Variants in SNTG1 observed in about 807,000 individuals in gnomAD.
SNTG1 encodes syntrophin gamma 1.
In SNTG1, 39 loss-of-function variants were observed where a neutral mutation model predicts 74.7. The observed-to-expected ratio is 0.52, with a 90% confidence interval of 0.40 to 0.68. The LOEUF (loss-of-function observed/expected upper bound fraction) is 0.68. Ranked by LOEUF, SNTG1 falls within the 30% of genes least tolerant of loss-of-function variation. The pLI is 0.00. For synonymous variants in SNTG1, 254 were observed against 217.1 expected, an observed-to-expected ratio of 1.17 and a Z score of -1.49; for missense variants, 685 against 609.5, an observed-to-expected ratio of 1.12 and a Z score of -1.30.
At chr8:50,497,362 C>T (rs2093913784) in intron 8 of SNTG1, among the ~76,000 whole-genome samples, 1 of 151,810 alleles carries the variant, frequency 6.6e-6, no homozygotes, top group African/African-American at 2.4e-5. Context: ...ACCATTATTT[C>T]TTTTTGTTTA....
At chr8:50,361,323 A>G (rs1160427423) in intron 2 of SNTG1, among the ~76,000 whole-genome samples, 1 of 152,150 alleles carries the variant, frequency 6.6e-6, no homozygotes, top group Non-Finnish European at 1.5e-5. Context: ...CTTCTTCTGA[A>G]TACCTCTGGA....
intron 15 of SNTG1, among the ~76,000 whole-genome samples, chr8:50,699,768 G>T (rs548490827): frequency 6.6e-6 from 1 of 152,306 alleles, no homozygotes; most frequent in African/African-American, 2.4e-5. Flanking sequence ...AGAAATGCAT[G>T]CAGAGAGCAA....
chr8:50,161,757 A>C (rs2082424108), intron 1 of SNTG1, among the ~76,000 whole-genome samples: 1 of 152,122 alleles, frequency 6.6e-6, no homozygotes, highest in South Asian at 2.1e-4. Context: ...AAGAAACAGA[A>C]AAGAAAAAGA....
At chr8:50,263,156 C>T (rs537550972) in intron 2 of SNTG1, among the ~76,000 whole-genome samples, 1 of 152,130 alleles carries the variant, frequency 6.6e-6, no homozygotes, top group Admixed American at 6.5e-5. Context: ...AGAAATGTAC[C>T]ACCGTGGTGG....
chr8:50,515,449 C>G (rs1358409089), intron 9 of SNTG1, among the ~76,000 whole-genome samples: 3 of 118,524 alleles, frequency 2.5e-5, no homozygotes, highest in Non-Finnish European at 4.9e-5. Context: ...GCCAATGAGA[C>G]AGAACCATTC....
chr8:50,248,158 A>G (rs777932222), intron 2 of SNTG1, among the ~76,000 whole-genome samples: 1 of 152,178 alleles, frequency 6.6e-6, no homozygotes, highest in Non-Finnish European at 1.5e-5. Context: ...CAAACACCTT[A>G]TCTCCATATA....
At chr8:50,491,891 C>G (rs1043637511) in intron 8 of SNTG1, among the ~76,000 whole-genome samples, 1 of 151,368 alleles carries the variant, frequency 6.6e-6, no homozygotes, top group African/African-American at 2.4e-5. Flanking sequence ...CCCCCGCCCC[C>G]CTACCACCCG....
At chr8:50,172,171 C>T (rs4873128) in intron 1 of SNTG1, among the ~76,000 whole-genome samples, 44,937 of 152,002 alleles carry the variant, frequency 0.3, 6,755 homozygotes, top group South Asian at 0.43. Flanking sequence ...ATCAATAGAC[C>T]ATTCCTCACA....
intron 3 of SNTG1, among the ~76,000 whole-genome samples, chr8:50,394,830 T>C (rs1321199350): frequency 6.9e-6 from 1 of 144,408 alleles, no homozygotes; most frequent in Non-Finnish European, 1.5e-5. Context: ...CATTCCATCT[T>C]AGGAAGAAAA....
chr8:50,701,609 CT>C (rs1204169043), intron 15 of SNTG1, among the ~76,000 whole-genome samples: 1 of 141,138 alleles, frequency 7.1e-6, no homozygotes, highest in Non-Finnish European at 1.5e-5. Flanking sequence ...TCTTCTTCTT[CT>C]TCTTCTTCGT....
At chr8:50,686,913 A>C (rs1341350010) in intron 15 of SNTG1, among the ~76,000 whole-genome samples, 1 of 151,742 alleles carries the variant, frequency 6.6e-6, no homozygotes, top group African/African-American at 2.4e-5. Flanking sequence ...AGGCGGGTGG[A>C]TCATGAGGTC....
intron 13 of SNTG1, among the ~76,000 whole-genome samples, chr8:50,650,743 C>A (rs150394229): frequency 0.026 from 3,900 of 151,982 alleles, 79 homozygotes; most frequent in Middle Eastern, 0.041. Flanking sequence ...ACTCTGTTGC[C>A]CAGCTGGATT....
intron 2 of SNTG1, among the ~76,000 whole-genome samples, chr8:50,223,748 G>A (rs1391903982): frequency 6.6e-6 from 1 of 152,092 alleles, no homozygotes; most frequent in Non-Finnish European, 1.5e-5. Flanking sequence ...AAGAGCTACA[G>A]CAAATTTATT....
At chr8:50,624,088 T>C (rs146318172) in intron 13 of SNTG1, among the ~76,000 whole-genome samples, 1 of 151,994 alleles carries the variant, frequency 6.6e-6, no homozygotes, top group Non-Finnish European at 1.5e-5. Flanking sequence ...TCTAATAATT[T>C]CCTTAGAAAT....
chr8:50,438,125 G>T (rs947708674), intron 4 of SNTG1, among the ~76,000 whole-genome samples: 1 of 152,184 alleles, frequency 6.6e-6, no homozygotes, highest in Non-Finnish European at 1.5e-5. Flanking sequence ...TCCAGGCAGG[G>T]ATGGAGACAG....
intron 3 of SNTG1, among the ~76,000 whole-genome samples, chr8:50,401,473 A>C (rs970916607): frequency 6.6e-6 from 1 of 152,218 alleles, no homozygotes; most frequent in African/African-American, 2.4e-5. Flanking sequence ...AAGCAAACAC[A>C]TTGGATTAGG....
At chr8:50,221,759 C>A (rs2085081650) in intron 2 of SNTG1, among the ~76,000 whole-genome samples, 1 of 152,088 alleles carries the variant, frequency 6.6e-6, no homozygotes, top group South Asian at 2.1e-4. Flanking sequence ...GTGGGCATAT[C>A]AGGGAAATTA....
At chr8:50,248,605 TG>T (rs1391120642) in intron 2 of SNTG1, among the ~76,000 whole-genome samples, 2 of 152,186 alleles carry the variant, frequency 1.3e-5, no homozygotes, top group Admixed American at 1.3e-4. Flanking sequence ...CTCTGGTCTT[TG>T]TAACAAGTTT....
chr8:50,288,827 G>A (rs538570678), intron 2 of SNTG1, among the ~76,000 whole-genome samples: 2 of 152,216 alleles, frequency 1.3e-5, no homozygotes, highest in South Asian at 2.1e-4. Context: ...CCTAGGAATT[G>A]CATGTTATAG....
Sources: gnomAD v4.1 joint callset for allele counts (sites outside exome capture counted in the v4.1 genomes callset) on GRCh38, gnomAD v4.1.1 for gene constraint, MANE v1.5 for transcripts, NCBI Gene and HGNC (gene_info 2026-07-23, HGNC 2026-07-21) for gene names.